Variants in COL23A1 observed in about 807,000 individuals in gnomAD.
COL23A1 encodes collagen type XXIII alpha 1 chain.
In COL23A1, 97 loss-of-function variants were observed where a neutral mutation model predicts 99.3. The observed-to-expected ratio is 0.98, with a 90% CI of 0.83 to 1.16. The LOEUF (loss-of-function observed/expected upper bound fraction) is 1.16. Among genes scored for constraint, COL23A1 ranks in the 50% most tolerant of loss-of-function variants. The pLI is 0.00. For missense variants in COL23A1, 762 were observed against 757.4 expected (o/e 1.01, Z -0.07); for synonymous variants, 320 against 308.2 (o/e 1.04, Z -0.40).
chr5:178,302,194 GGAGCACAGCTTCAATCCAC>G (rs1758096237), intron 3 of COL23A1, among the ~76,000 whole-genome samples: 1 of 69,536 alleles, frequency 1.4e-5, no homozygotes, highest in Non-Finnish European at 3.5e-5. Flanking sequence ...TGTGTGTGCT[GGAGCACAGCTTCAATCCAC>G]CTCTGTGTGC....
chr5:178,494,024 C>G (rs1203190198), intron 2 of COL23A1, among the ~76,000 whole-genome samples: 2 of 152,350 alleles, frequency 1.3e-5, no homozygotes, highest in African/African-American at 4.8e-5. Context: ...GCCCCTCTCT[C>G]CTGTATGTGG....
At chr5:178,339,380 C>G (rs1760527897) in intron 2 of COL23A1, among the ~76,000 whole-genome samples, 1 of 152,212 alleles carries the variant, frequency 6.6e-6, no homozygotes, top group Non-Finnish European at 1.5e-5. Flanking sequence ...TGTCCCTCTG[C>G]ACTAAGACTC....
At position 178,310,212 on chromosome 5, in the gene COL23A1, A is replaced by C. The variant is rs925957968; in HGVS notation, c.362-3293T>G. 1.4e-4 allele frequency among the ~76,000 whole-genome samples: 22 copies of C among 152,236 alleles called. No homozygotes were observed. The highest frequency in any genetic ancestry group is 5.3e-4 in the African/African-American group (22 of 41,534). ...CCTGCTGACTGTGGGCTCCCACTCC[A>C]CTGCTTCCACCAACAGAGAGGCCAG... On this transcript the variant is annotated intron_variant, in intron 2 of 28. Coordinates refer to ENST00000390654, the MANE Select transcript of COL23A1 (RefSeq NM_173465.4). The surrounding 1 kb of genome is among the most constrained non-coding windows in gnomAD (Gnocchi z 4.3).
At chr5:178,321,816 C>T (rs1357702715) in intron 2 of COL23A1, among the ~76,000 whole-genome samples, 1 of 150,132 alleles carries the variant, frequency 6.7e-6, no homozygotes, top group African/African-American at 2.5e-5. Context: ...AAGGCTGAAT[C>T]ATACTCTGTT....
chr5:178,445,612 C>T (rs574496556), intron 2 of COL23A1, among the ~76,000 whole-genome samples: 3 of 152,194 alleles, frequency 2.0e-5, no homozygotes, highest in East Asian at 3.9e-4. Context: ...CCACTTTGAA[C>T]GACTTGCTAC....
chr5:178,250,872 T>G (rs999012344), intron 17 of COL23A1, among the ~76,000 whole-genome samples: 1 of 150,940 alleles, frequency 6.6e-6, no homozygotes, highest in African/African-American at 2.4e-5. Flanking sequence ...TACCAGCTAC[T>G]TGGGAGGCAG....
chr5:178,504,313 T>TA (rs941447783), intron 2 of COL23A1, among the ~76,000 whole-genome samples: 3 of 151,138 alleles, frequency 2.0e-5, no homozygotes, highest in East Asian at 1.9e-4. Context: ...AAATGCCAAT[T>TA]AAAAAAAAAC....
At chr5:178,456,326 A>G (rs981480889) in intron 2 of COL23A1, among the ~76,000 whole-genome samples, 3 of 152,254 alleles carry the variant, frequency 2.0e-5, no homozygotes, top group African/African-American at 7.2e-5. Context: ...ATGAAGCTTT[A>G]TATTAAACCA....
intron 2 of COL23A1, among the ~76,000 whole-genome samples, chr5:178,461,649 C>A (rs372425895): frequency 3.3e-5 from 5 of 152,136 alleles, no homozygotes. Flanking sequence ...TGCTGGCTCA[C>A]GGCCTTGGGC....
At chr5:178,321,349 A>AATCTGAT (rs1404807961) in intron 2 of COL23A1, among the ~76,000 whole-genome samples, 1 of 152,156 alleles carries the variant, frequency 6.6e-6, no homozygotes, top group Non-Finnish European at 1.5e-5. Flanking sequence ...TCTGCCTCTG[A>AATCTGAT]ATCTGATGAC....
intron 25 of COL23A1, among the ~76,000 whole-genome samples, chr5:178,245,286 C>T (rs899196020): frequency 7.6e-5 from 11 of 145,146 alleles, no homozygotes; most frequent in South Asian, 4.6e-4. Flanking sequence ...CCATCCATCC[C>T]TCCACTGCCA....
rs537784976 is a variant in COL23A1, at chr5:178,471,218, CCT to C, written c.361+89462_361+89463del. 9.3e-5 allele frequency among the ~76,000 whole-genome samples: 14 copies of C among 150,274 alleles called. 1 individual carries two copies. In the South Asian group the frequency reaches 3.0e-3, roughly 32 times the overall value. On this transcript the variant is annotated intron_variant, in intron 2 of 28. Transcript: ENST00000390654. ...TGGAACAGTGGGTGCATTTATCACC[CCT>C]GAGTAATCATGCGTTTTATGTTTTC...
intron 2 of COL23A1, among the ~76,000 whole-genome samples, chr5:178,492,425 G>A (rs141532525): frequency 4.3e-4 from 66 of 152,238 alleles, no homozygotes; most frequent in African/African-American, 1.4e-3. Flanking sequence ...AGCCGTCTAC[G>A]AGCCAGGAGA....
In COL23A1 at chr5:178,267,309, G is replaced by A. The variant is rs373742794; in HGVS notation, c.520C>T (p.Arg174Trp). 1.9e-5 allele frequency: 31 copies of A among 1,613,672 alleles called. No individual in the cohort carries two copies. The highest frequency in any genetic ancestry group is 5.5e-5 in the South Asian group (5 of 91,040). ...GGGAGGTCATGCCTGGTTCTTACCC[G>A]GGGGCCAAAGTCTCCTGGTGCACCC... The part of the protein sequence containing the change: ...EKGAPGDFGP[R>W]GDQGQDGAAG... The change falls in exon 8 of 29, where the codon CGG becomes TGG. Residue 174 changes from arginine (R) to tryptophan (W), a missense_variant and splice_region_variant. Physicochemically the swap from Arg to Trp is moderately radical, Grantham distance 101 (BLOSUM62 -3). Coordinates refer to ENST00000390654, the MANE Select transcript of COL23A1 (RefSeq NM_173465.4).
At position 178,306,740 on chromosome 5, in the gene COL23A1, A is replaced by G; in HGVS notation, c.406+135T>C. ...CTCAGGAAACGGCAGCTGGACTTGG[A>G]AGGGGGAGGAGCACCTGCCCAGGAC... On this transcript the variant is annotated intron_variant, in intron 3 of 28. Transcript: ENST00000390654. The surrounding 1 kb of genome is among the most constrained non-coding windows in gnomAD (Gnocchi z 4.1). The G allele has an allele frequency of 1.8e-6, 1 of 548,096 alleles. No homozygotes were observed. The highest frequency in any genetic ancestry group is 3.8e-5 in the South Asian group (1 of 26,258). The allele number at this position is 548,096 out of a possible 1,614,324, so 34.0% of individuals were successfully genotyped here. A position where few individuals can be genotyped will look rare whatever the true frequency, so the allele number is the denominator to read the frequency against.
chr5:178,587,372 C>T (rs558044032), intron 1 of COL23A1, among the ~76,000 whole-genome samples: 7 of 152,120 alleles, frequency 4.6e-5, no homozygotes, highest in African/African-American at 1.7e-4. Context: ...GCACATCAGC[C>T]GGTCCCAGAA....
In COL23A1 at chr5:178,274,543, C is replaced by T. The variant is rs576130397; in HGVS notation, c.442-4180G>A. 2.4e-4 allele frequency among the ~76,000 whole-genome samples: 36 copies of T among 148,134 alleles called. No homozygotes were observed. The South Asian group carries it at 3.4e-3, about 14-fold the overall frequency. ...TGGAAGGGCAGAGCCCCAGACTGGGCGGGGGCATGCCTTGGGTGGTGGTTG... is the reference window on the plus strand; with the variant it reads ...TGGAAGGGCAGAGCCCCAGACTGGGTGGGGGCATGCCTTGGGTGGTGGTTG... On this transcript the variant is annotated intron_variant, in intron 5 of 28. Transcript: ENST00000390654.
chr5:178,347,172 C>T (rs1053613655), intron 2 of COL23A1, among the ~76,000 whole-genome samples: 5 of 152,160 alleles, frequency 3.3e-5, no homozygotes, highest in African/African-American at 1.2e-4. Flanking sequence ...TGGAAACGTC[C>T]GCTGAGCCAC....
At chr5:178,474,338 G>A (rs1039795331) in intron 2 of COL23A1, among the ~76,000 whole-genome samples, 25 of 152,204 alleles carry the variant, frequency 1.6e-4, no homozygotes, top group African/African-American at 5.8e-4. Context: ...CGCAGTCAGT[G>A]AAATTTAGTT....
Sources: gnomAD v4.1 joint callset for allele counts (sites outside exome capture counted in the v4.1 genomes callset) on GRCh38, gnomAD v4.1.1 for gene constraint, Gnocchi (gnomAD v3.1) non-coding constraint, MANE v1.5 for transcripts, NCBI Gene and HGNC (gene_info 2026-07-23, HGNC 2026-07-21) for gene names.